The following OSBPL8 variants were observed in gnomAD, a reference collection of about 807,000 sequenced individuals.
OSBPL8 encodes oxysterol-binding protein-related protein 8.
In OSBPL8, 59 loss-of-function variants were observed where a neutral mutation model predicts 125.5. That is an observed-to-expected ratio of 0.47 (90% CI 0.38 to 0.58). The LOEUF (loss-of-function observed/expected upper bound fraction) is 0.58. Among genes scored for constraint, OSBPL8 ranks in the 20% least tolerant of loss-of-function variants. OSBPL8 has a pLI of 0.00. For missense variants in OSBPL8, 758 were observed against 1,047.8 expected, an observed-to-expected ratio of 0.72 and a Z score of 3.82; for synonymous variants, 330 against 338.9, an observed-to-expected ratio of 0.97 and a Z score of 0.29.
intron 1 of OSBPL8, among the ~76,000 whole-genome samples, chr12:76,538,548 G>A (rs1419965954): frequency 2.6e-5 from 4 of 152,176 alleles, no homozygotes; most frequent in Non-Finnish European, 5.9e-5. Flanking sequence ...TTAAAGGGAT[G>A]ACAGGCAACA....
Position 76,510,881 on chromosome 12 carries a change from CAAA to C in OSBPL8, c.-67-23266_-67-23264del, listed in dbSNP as rs71445235. The stretch of plus-strand genomic sequence containing the variant: ...GGGCAACAAGAGTGAAACCCCATCT[CAAA>C]AAAAAAAAAAAAAATATATTTACCT... On this transcript the variant is annotated intron_variant, in intron 1 of 23. Coordinates refer to ENST00000261183, the MANE Select transcript of OSBPL8 (RefSeq NM_020841.5). Among the ~76,000 whole-genome samples the C allele has an allele frequency of 6.6e-5, 7 of 106,420 alleles. No homozygotes were observed. In the East Asian group the frequency reaches 1.4e-3, roughly 22 times the overall value. The allele number at this position is 106,420 out of a possible 152,430, so 69.8% of individuals were successfully genotyped here.
rs1260123885 is a variant in OSBPL8 at position 76,358,787 on chromosome 12, T to C, written c.2353A>G (p.Lys785Glu). The C allele has an allele frequency of 6.2e-7, 1 of 1,614,114 alleles. No homozygotes were observed. Among genetic ancestry groups the C allele is most frequent in the Non-Finnish European group, 8.5e-7 (1 of 1,179,956 alleles). Residue 785 changes from lysine (K) to glutamate (E), a missense_variant, in exon 22 of 24, where the codon AAG becomes GAG. Lys to Glu is a moderately conservative substitution (Grantham distance 56). Transcript: ENST00000261183. Reference sequence around the variant, plus strand: ...ACTTTCTTCTGTTGCCTGGTTGGCTTATGTTTCATTTTGGGGACGCTAACC... The same window carrying C: ...ACTTTCTTCTGTTGCCTGGTTGGCTCATGTTTCATTTTGGGGACGCTAACC... ...PMVSVPKMKH[K>E]PTRQQKKVAK...
At chr12:76,555,480 T>C (rs151112950) in intron 1 of OSBPL8, among the ~76,000 whole-genome samples, 1 of 152,320 alleles carries the variant, frequency 6.6e-6, no homozygotes, top group East Asian at 1.9e-4. Flanking sequence ...GTCAAGCAAA[T>C]ATTAGAGTTC....
At chr12:76,517,720 C>T (rs1428770090) in intron 1 of OSBPL8, among the ~76,000 whole-genome samples, 1 of 152,168 alleles carries the variant, frequency 6.6e-6, no homozygotes, top group Non-Finnish European at 1.5e-5. Flanking sequence ...ATCTGCTCAG[C>T]TTCTGATGAG....
intron 21 of OSBPL8, among the ~76,000 whole-genome samples, chr12:76,367,074 T>C (rs1174441993): frequency 6.6e-6 from 1 of 152,172 alleles, no homozygotes; most frequent in African/African-American, 2.4e-5. Context: ...TACAGTGTGG[T>C]TCAAGTTAAT....
At chr12:76,518,388 C>T (rs1046658163) in intron 1 of OSBPL8, among the ~76,000 whole-genome samples, 1 of 152,196 alleles carries the variant, frequency 6.6e-6, no homozygotes, top group East Asian at 1.9e-4. Context: ...GGGTACAGCT[C>T]CCATGGCTGC....
At chr12:76,410,879 A>G (rs1425180123) in intron 4 of OSBPL8, among the ~76,000 whole-genome samples, 1 of 152,208 alleles carries the variant, frequency 6.6e-6, no homozygotes, top group Non-Finnish European at 1.5e-5. Flanking sequence ...GCTCCTGCAG[A>G]ACTCTGCATA....
intron 2 of OSBPL8, among the ~76,000 whole-genome samples, chr12:76,466,553 A>G (rs923585659): frequency 1.3e-5 from 2 of 152,222 alleles, no homozygotes; most frequent in Non-Finnish European, 2.9e-5. Context: ...GAATCTAGAG[A>G]GCACCCAGAA....
chr12:76,415,634 A>G (rs1406989723), intron 4 of OSBPL8, among the ~76,000 whole-genome samples: 2 of 152,226 alleles, frequency 1.3e-5, no homozygotes, highest in Non-Finnish European at 2.9e-5. Flanking sequence ...AACTATATTT[A>G]CTAAGAATTT....
intron 8 of OSBPL8, 91 bp downstream of exon 8, chr12:76,397,603 C>A: frequency 1.6e-6 from 2 of 1,230,468 alleles, no homozygotes; most frequent in Non-Finnish European, 1.1e-6. Flanking sequence ...TAAGTCCTGG[C>A]AGAGGACTAA....
chr12:76,547,233 G>A (rs1386446651), intron 1 of OSBPL8, among the ~76,000 whole-genome samples: 2 of 152,106 alleles, frequency 1.3e-5, no homozygotes, highest in African/African-American at 2.4e-5. Context: ...AACAAGATTT[G>A]CATTCTGCCA....
intron 1 of OSBPL8, among the ~76,000 whole-genome samples, chr12:76,503,558 G>A (rs2137130526): frequency 6.6e-6 from 1 of 152,212 alleles, no homozygotes; most frequent in South Asian, 2.1e-4. Context: ...TTATTTTTGA[G>A]ACGGAGTCTC....
chr12:76,497,898 T>A (rs946970190), intron 1 of OSBPL8, among the ~76,000 whole-genome samples: 2 of 152,206 alleles, frequency 1.3e-5, no homozygotes, highest in Non-Finnish European at 2.9e-5. Context: ...AAATATTAAC[T>A]AAGGAACACA....
chr12:76,537,091 A>G (rs1210981453), intron 1 of OSBPL8: 1 of 152,532 alleles, frequency 6.6e-6, no homozygotes, highest in African/African-American at 2.4e-5. Context: ...ATTATAGCTA[A>G]GCAACATATG....
intron 1 of OSBPL8, among the ~76,000 whole-genome samples, chr12:76,527,017 C>A (rs1348465901): frequency 1.3e-5 from 2 of 151,946 alleles, no homozygotes; most frequent in African/African-American, 4.8e-5. Flanking sequence ...CACCTCTGGA[C>A]CTCAGTTTCC....
rs149297580 is a variant in OSBPL8, at chr12:76,442,853, A to G, written c.217+7998T>C. ...CTCCATGTTAGTCACCTGAGATTAT[A>G]CCAGTAATGTGTAACGCTGTCACCC... On this transcript the variant is annotated intron_variant, in intron 4 of 23. Coordinates refer to ENST00000261183, the MANE Select transcript of OSBPL8 (RefSeq NM_020841.5). Among the ~76,000 whole-genome samples the G allele has an allele frequency of 5.8e-4, 88 of 152,314 alleles. 1 individual carries two copies. In the East Asian group the frequency reaches 0.016, roughly 28 times the overall value.
chr12:76,499,284 G>T (rs1416244893), intron 1 of OSBPL8, among the ~76,000 whole-genome samples: 1 of 145,034 alleles, frequency 6.9e-6, no homozygotes, highest in Non-Finnish European at 1.5e-5. Context: ...TTGTGATCAT[G>T]TAAGTTAATA....
intron 1 of OSBPL8, among the ~76,000 whole-genome samples, chr12:76,514,859 CTTT>C (rs1261870386): frequency 1.3e-5 from 2 of 152,130 alleles, no homozygotes; most frequent in African/African-American, 4.8e-5. Context: ...CCTTTTAACT[CTTT>C]TTTATGTTTG....
chr12:76,500,247 T>C (rs1218912766), intron 1 of OSBPL8, among the ~76,000 whole-genome samples: 1 of 152,240 alleles, frequency 6.6e-6, no homozygotes, highest in Non-Finnish European at 1.5e-5. Flanking sequence ...GTCAGCCAAA[T>C]TGAGTTATTT....
Sources: gnomAD v4.1 joint callset for allele counts (sites outside exome capture counted in the v4.1 genomes callset) on GRCh38, gnomAD v4.1.1 for gene constraint, MANE v1.5 for transcripts, NCBI Gene and HGNC (gene_info 2026-07-23, HGNC 2026-07-21) for gene names.